Variants in LRRC4C observed in about 807,000 individuals in gnomAD.
LRRC4C encodes the protein leucine-rich repeat-containing protein 4C.
A neutral mutation model predicts 33.6 loss-of-function variants in LRRC4C; 5 were observed. The ratio of observed to expected loss-of-function variants is 0.15; its 90% CI spans 0.08 to 0.31. The LOEUF (loss-of-function observed/expected upper bound fraction) is 0.31, where lower values mean the gene tolerates loss of function less well. LRRC4C is among the 10% of genes least tolerant of loss of function. The probability of loss-of-function intolerance (pLI) is 1.00; values close to 1 mark genes in which losing one functional copy is unlikely to be tolerated. For synonymous variants in LRRC4C, 329 were observed against 302.0 expected (o/e 1.09, Z -0.93); for missense variants, 560 against 796.7 (o/e 0.70, Z 3.58).
chr11:41,177,673 T>C (rs1241450531), intron 1 of LRRC4C, among the ~76,000 whole-genome samples: 1 of 152,138 alleles, frequency 6.6e-6, no homozygotes, highest in Non-Finnish European at 1.5e-5. Context: ...CAGAAGTGGG[T>C]TACATCCCAA....
intron 1 of LRRC4C, among the ~76,000 whole-genome samples, chr11:41,360,568 A>G (rs1203852584): frequency 6.6e-6 from 1 of 152,196 alleles, no homozygotes; most frequent in East Asian, 1.9e-4. Context: ...AGGAGGCTAT[A>G]AAAGAGTTCC....
chr11:41,278,023 A>C (rs1353918062), intron 1 of LRRC4C, among the ~76,000 whole-genome samples: 2 of 152,110 alleles, frequency 1.3e-5, no homozygotes, highest in Non-Finnish European at 2.9e-5. Context: ...TGGTTACCAG[A>C]AGCTGGGGTG....
At chr11:40,277,509 T>C (rs1943196667) in intron 4 of LRRC4C, among the ~76,000 whole-genome samples, 1 of 151,694 alleles carries the variant, frequency 6.6e-6, no homozygotes, top group African/African-American at 2.4e-5. Context: ...AGGGAAAGAG[T>C]TACAGGTCTT....
intron 1 of LRRC4C, among the ~76,000 whole-genome samples, chr11:41,364,433 C>T (rs1459176376): frequency 1.3e-5 from 2 of 152,050 alleles, no homozygotes; most frequent in Non-Finnish European, 2.9e-5. Flanking sequence ...CACGCACCAC[C>T]ACGCCCAGCT....
chr11:41,300,476 C>T (rs553476480), intron 1 of LRRC4C, among the ~76,000 whole-genome samples: 3 of 152,250 alleles, frequency 2.0e-5, no homozygotes, highest in African/African-American at 7.2e-5. Flanking sequence ...AAAACTTTCT[C>T]ACAGATTCTA....
At chr11:40,899,158 T>C (rs1461227692) in intron 2 of LRRC4C, among the ~76,000 whole-genome samples, 2 of 152,074 alleles carry the variant, frequency 1.3e-5, no homozygotes, top group Non-Finnish European at 2.9e-5. Context: ...AGTATTGCCA[T>C]TTATAAATGC....
intron 3 of LRRC4C, among the ~76,000 whole-genome samples, chr11:40,503,184 G>A (rs1259706415): frequency 6.6e-6 from 1 of 152,066 alleles, no homozygotes; most frequent in Admixed American, 6.6e-5. Context: ...ACAAATTTCT[G>A]CCTCTGTGAA....
At chr11:40,367,928 A>G (rs114454924) in intron 3 of LRRC4C, among the ~76,000 whole-genome samples, 4,810 of 152,086 alleles carry the variant, frequency 0.032, 239 homozygotes, top group African/African-American at 0.1. Flanking sequence ...ATAATGTCCC[A>G]TCTACACAGT....
chr11:41,379,865 CT>C (rs1164833646), intron 1 of LRRC4C, among the ~76,000 whole-genome samples: 2 of 152,092 alleles, frequency 1.3e-5, no homozygotes, highest in African/African-American at 2.4e-5. Flanking sequence ...TCTCCTTAGT[CT>C]TTCTGTCTAA....
chr11:40,306,499 G>C (rs1024788412), intron 4 of LRRC4C, among the ~76,000 whole-genome samples: 3 of 152,134 alleles, frequency 2.0e-5, no homozygotes, highest in Non-Finnish European at 4.4e-5. Flanking sequence ...TTCTCACATG[G>C]ACAAAGTGTA....
intron 2 of LRRC4C, among the ~76,000 whole-genome samples, chr11:40,654,326 G>T (rs963950622): frequency 1.3e-5 from 2 of 152,210 alleles, no homozygotes; most frequent in Admixed American, 1.3e-4. Context: ...CATGAAAGAG[G>T]CTGGGAGGGC....
intron 1 of LRRC4C, among the ~76,000 whole-genome samples, chr11:41,320,575 A>G (rs1950928323): frequency 4.6e-5 from 7 of 152,208 alleles, no homozygotes; most frequent in Admixed American, 4.6e-4. Flanking sequence ...GTTATGAAAA[A>G]TGACTCTTTT....
At chr11:41,021,692 C>A (rs1310011081) in intron 1 of LRRC4C, among the ~76,000 whole-genome samples, 3 of 151,958 alleles carry the variant, frequency 2.0e-5, no homozygotes, top group Non-Finnish European at 4.4e-5. Context: ...AAATTGTATC[C>A]CACCAAGGTC....
intron 1 of LRRC4C, among the ~76,000 whole-genome samples, chr11:41,181,798 G>T (rs1025692432): frequency 1.3e-5 from 2 of 152,050 alleles, no homozygotes; most frequent in Non-Finnish European, 2.9e-5. Flanking sequence ...CCATCACTTT[G>T]CTACTTTCCT....
intron 2 of LRRC4C, among the ~76,000 whole-genome samples, chr11:40,727,154 C>T (rs980198368): frequency 2.0e-5 from 3 of 152,032 alleles, no homozygotes; most frequent in Non-Finnish European, 2.9e-5. Flanking sequence ...TCACATTTAC[C>T]ATACTTCAAA....
chr11:41,132,499 A>G (rs1165134532), intron 1 of LRRC4C, among the ~76,000 whole-genome samples: 1 of 152,138 alleles, frequency 6.6e-6, no homozygotes, highest in Non-Finnish European at 1.5e-5. Context: ...CTTGCAGAGT[A>G]TTTTGTATAA....
chr11:40,415,843 A>T (rs1950306175), intron 3 of LRRC4C, among the ~76,000 whole-genome samples: 1 of 152,196 alleles, frequency 6.6e-6, no homozygotes, highest in Non-Finnish European at 1.5e-5. Context: ...TCAAGAAAGG[A>T]AATAAAAGCA....
intron 1 of LRRC4C, among the ~76,000 whole-genome samples, chr11:41,278,598 G>C (rs555901344): frequency 6.6e-6 from 1 of 152,302 alleles, no homozygotes; most frequent in South Asian, 2.1e-4. Context: ...AGATTGCTGG[G>C]CCTCGCCCCC....
intron 3 of LRRC4C, among the ~76,000 whole-genome samples, chr11:40,376,547 G>A (rs1316182214): frequency 1.3e-5 from 2 of 152,114 alleles, no homozygotes; most frequent in African/African-American, 2.4e-5. Context: ...GATTTAAACC[G>A]ATAAACTCCC....
Sources: allele counts gnomAD v4.1 joint callset (sites outside exome capture counted in the v4.1 genomes callset), GRCh38; gene constraint gnomAD v4.1.1; transcripts MANE v1.5; gene names NCBI Gene and HGNC (gene_info 2026-07-23, HGNC 2026-07-21).